Variants in SP100 observed in about 807,000 individuals in gnomAD.
SP100 encodes SP100 nuclear body protein.
In SP100, 84 loss-of-function variants were observed where a neutral mutation model predicts 130.0. The ratio of observed to expected loss-of-function variants is 0.65; its 90% CI spans 0.54 to 0.77. The LOEUF is 0.77. Among genes scored for constraint, SP100 ranks in the 30% least tolerant of loss-of-function variants. The probability of loss-of-function intolerance (pLI) is 0.00; values close to 1 mark genes in which losing one functional copy is unlikely to be tolerated. For missense variants in SP100, 978 were observed against 1,052.2 expected, an observed-to-expected ratio of 0.93 and a Z score of 0.97; for synonymous variants, 331 against 351.7, an observed-to-expected ratio of 0.94 and a Z score of 0.66.
intron 20 of SP100, among the ~76,000 whole-genome samples, chr2:230,503,365 G>A (rs996505562): frequency 6.6e-6 from 1 of 152,044 alleles, no homozygotes; most frequent in Non-Finnish European, 1.5e-5. Flanking sequence ...TGATTAATAC[G>A]TAATAGATAG....
chr2:230,478,192 G>A (rs1489910194), intron 17 of SP100, among the ~76,000 whole-genome samples: 3 of 152,086 alleles, frequency 2.0e-5, no homozygotes, highest in African/African-American at 7.2e-5. Context: ...AAGGAAATCT[G>A]TAGTCAATTT....
At position 230,442,927 on chromosome 2, in the gene SP100, T is replaced by C. The variant is rs148573111; in HGVS notation, c.108-10T>C. 2,811 of 1,611,070 alleles carry C rather than the reference T, an allele frequency of 1.7e-3. 54 individuals carry two copies. The African/African-American group carries it at 0.034, about 19-fold the overall frequency. The stretch of plus-strand genomic sequence containing the variant: ...GATGACCATTTTCACATGGTGTCCT[T>C]TTTCCCTAGGATGTTCACGGAAGAC... On this transcript the variant is annotated splice_polypyrimidine_tract_variant and intron_variant, in intron 2 of 28. Transcript: ENST00000340126.
At chr2:230,516,040 A>C (rs1478932380) in intron 24 of SP100, 71 of 990,556 alleles carry the variant, frequency 7.2e-5, no homozygotes, top group Non-Finnish European at 8.5e-5. Flanking sequence ...AAACAGTTGC[A>C]GCTGTTTTGT....
At chr2:230,535,641 C>T (rs529641498) in intron 24 of SP100, among the ~76,000 whole-genome samples, 1 of 152,180 alleles carries the variant, frequency 6.6e-6, no homozygotes, top group Non-Finnish European at 1.5e-5. Flanking sequence ...GGTGTGTTGG[C>T]TCATGCCTGT....
At chr2:230,417,859 A>C (rs1340366273) in intron 2 of SP100, among the ~76,000 whole-genome samples, 194 bp downstream of exon 2, 2 of 152,072 alleles carry the variant, frequency 1.3e-5, no homozygotes, top group Non-Finnish European at 2.9e-5. Context: ...AATATTCTGT[A>C]AGTATAAATA....
chr2:230,449,748 A>T (rs775094053), intron 7 of SP100, 38 bp downstream of exon 7: 2 of 1,611,358 alleles, frequency 1.2e-6, no homozygotes. Flanking sequence ...GGGAGGAGCC[A>T]AGGGGCCCTG....
intron 2 of SP100, among the ~76,000 whole-genome samples, chr2:230,427,810 C>G (rs1033695468): frequency 6.6e-6 from 1 of 152,188 alleles, no homozygotes; most frequent in African/African-American, 2.4e-5. Flanking sequence ...CAAACACATA[C>G]AAAACTCTAC....
At chr2:230,459,828 C>T (rs2064488869) in intron 8 of SP100, among the ~76,000 whole-genome samples, 1 of 152,210 alleles carries the variant, frequency 6.6e-6, no homozygotes, top group African/African-American at 2.4e-5. Context: ...GTTGAATGGA[C>T]TTTTCCAAAA....
intron 24 of SP100, among the ~76,000 whole-genome samples, chr2:230,514,455 G>T (rs1452581002): frequency 6.6e-6 from 1 of 152,168 alleles, no homozygotes; most frequent in African/African-American, 2.4e-5. Flanking sequence ...AAATAATTAA[G>T]TCCAAATTGC....
Position 230,466,356 on chromosome 2 carries a change from T to C in SP100, c.1195+2T>C. The C allele has an allele frequency of 6.7e-7, 1 of 1,501,180 alleles. No homozygotes were observed. Among genetic ancestry groups the C allele is most frequent in the Non-Finnish European group, 9.3e-7 (1 of 1,078,356 alleles). 93.0% of individuals were successfully genotyped at this position (1,501,180 alleles called of 1,614,324 possible). On this transcript the variant is annotated splice_donor_variant, in intron 12 of 28. Transcript: ENST00000340126. LOFTEE classifies it high-confidence loss of function. The stretch of plus-strand genomic sequence containing the variant: ...TCAGAGAAAGTTTTAAGAAAAGAGG[T>C]AAGAGAAAGCTTTAGGAAAAGAGGT...
intron 1 of SP100, chr2:230,416,626 A>T: frequency 1.7e-6 from 1 of 583,960 alleles, no homozygotes; most frequent in Non-Finnish European, 2.3e-6. Flanking sequence ...GGCTGGGATT[A>T]ACTATTTCCT....
intron 8 of SP100, among the ~76,000 whole-genome samples, chr2:230,452,323 A>C (rs1189836128): frequency 6.6e-6 from 1 of 151,980 alleles, no homozygotes; most frequent in Non-Finnish European, 1.5e-5. Context: ...GATTACAGGC[A>C]TACTCCACCA....
At chr2:230,535,906 C>CAAAAAAAAAAAAAAAAA (rs34684038) in intron 24 of SP100, among the ~76,000 whole-genome samples, 6 of 47,598 alleles carry the variant, frequency 1.3e-4, no homozygotes, top group African/African-American at 4.5e-4. Context: ...GACTCCATCT[C>CAAAAAAAAAAAAAAAAA]AAAAAAAAAA....
At chr2:230,461,475 G>T in intron 9 of SP100, 61 bp downstream of exon 9, 1 of 1,559,508 alleles carries the variant, frequency 6.4e-7, no homozygotes, top group South Asian at 1.1e-5. Context: ...AGGGGCTCAG[G>T]GACTTCATCA....
chr2:230,486,422 AGTGT>A (rs1330530165), intron 17 of SP100, among the ~76,000 whole-genome samples: 7 of 152,038 alleles, frequency 4.6e-5, no homozygotes, highest in Non-Finnish European at 1.0e-4. Flanking sequence ...GAGAACATAC[AGTGT>A]TTGGTTTTCT....
intron 24 of SP100, among the ~76,000 whole-genome samples, chr2:230,524,737 G>A (rs1196555364): frequency 1.3e-5 from 2 of 152,072 alleles, no homozygotes; most frequent in African/African-American, 4.8e-5. Flanking sequence ...TTATGATATG[G>A]GGAAACATGT....
intron 26 of SP100, 123 bp from the exon 27 acceptor site, chr2:230,541,178 C>T: frequency 4.1e-6 from 5 of 1,214,516 alleles, no homozygotes; most frequent in Non-Finnish European, 5.9e-6. Flanking sequence ...CAAAGAAACT[C>T]CCCATGCCAT....
chr2:230,467,011 T>G, intron 12 of SP100, 109 bp from the exon 13 acceptor site: 1 of 750,252 alleles, frequency 1.3e-6, no homozygotes, highest in South Asian at 1.6e-5. Flanking sequence ...TGCCCTGAAG[T>G]TTCAGAGCAT....
intron 2 of SP100, among the ~76,000 whole-genome samples, chr2:230,420,284 T>G (rs542123812): frequency 4.6e-5 from 7 of 152,340 alleles, no homozygotes; most frequent in Non-Finnish European, 8.8e-5. Flanking sequence ...TAATATTGTC[T>G]TGTGTTTTTC....
Sources: gnomAD v4.1 joint callset for allele counts (sites outside exome capture counted in the v4.1 genomes callset) on GRCh38, gnomAD v4.1.1 for gene constraint, MANE v1.5 for transcripts, NCBI Gene and HGNC (gene_info 2026-07-23, HGNC 2026-07-21) for gene names.